The following ETAA1 variants were observed in gnomAD, a reference collection of about 807,000 sequenced individuals.
The protein encoded by ETAA1 is ewing's tumor-associated antigen 1.
Under a neutral mutation model 76.8 loss-of-function variants are expected in ETAA1, and 49 were observed. The ratio of observed to expected loss-of-function variants is 0.64; its 90% CI spans 0.51 to 0.81. The LOEUF is 0.81. Among genes scored for constraint, ETAA1 ranks in the 30% least tolerant of loss-of-function variants. ETAA1 has a pLI of 0.00. For synonymous variants in ETAA1, 373 were observed against 372.2 expected (o/e 1.00, Z -0.03); for missense variants, 1,099 against 1,074.0 (o/e 1.02, Z -0.32).
At position 67,404,415 on chromosome 2, in the gene ETAA1, A is replaced by G. The variant is rs1270543543; in HGVS notation, c.1733A>G (p.Asp578Gly). ...GCATCAAAAGTAGGTTCTTTCTTTG[A>G]TGATTGGAATGATCCCTCATTTGCC... The part of the protein sequence containing the change: ...TSASKVGSFF[D>G]DWNDPSFANE... The change falls in exon 5 of 6, where the codon GAT (aspartate) becomes GGT (glycine). Residue 578 changes from aspartate (D) to glycine (G), a missense_variant. This residue lies in a region of ETAA1 where 761 missense variants were observed against 731.9 expected (regional missense o/e 1.04). Transcript: ENST00000272342. 1 of 1,613,310 alleles carries G rather than the reference A, an allele frequency of 6.2e-7. No homozygotes were observed.
intron 1 of ETAA1, among the ~76,000 whole-genome samples, chr2:67,397,982 A>G (rs1374317061): frequency 1.3e-5 from 2 of 152,202 alleles, no homozygotes; most frequent in Non-Finnish European, 2.9e-5. Context: ...TGGTGGAGTG[A>G]GAAGAAACAG....
At chr2:67,399,679 T>G in intron 3 of ETAA1, 53 bp downstream of exon 3, 8 of 1,211,508 alleles carry the variant, frequency 6.6e-6, no homozygotes, top group Non-Finnish European at 9.5e-6. Flanking sequence ...AATGTGCCAC[T>G]AAGTTTTTGT....
rs3770655 is a variant in ETAA1 at position 67,404,993 on chromosome 2, C to G, written c.2311C>G (p.Pro771Ala). The change falls in exon 5 of 6, where the codon CCA (proline) becomes GCA (alanine). Residue 771 changes from proline (P) to alanine (A), a missense_variant. By Grantham distance (27) the Pro-to-Ala change is conservative (BLOSUM62 -1). Transcript: ENST00000272342. ...AGTGAATAGTTCCAAATTGGTTCTT[C>G]CAGGAAGTTCAAGTTTGAATGTAAC... ...IQVNSSKLVL[P>A]GSSSLNVTSD... 5.0e-6 allele frequency: 8 copies of G among 1,611,876 alleles called. No homozygotes were observed. The Admixed American group carries it at 1.3e-4, about 27-fold the overall frequency.
chr2:67,407,232 A>G (rs1054234524), intron 5 of ETAA1, among the ~76,000 whole-genome samples: 7 of 150,888 alleles, frequency 4.6e-5, no homozygotes, highest in African/African-American at 1.7e-4. Flanking sequence ...TGACACTAAC[A>G]ACAGCTGATG....
intron 1 of ETAA1, 49 bp from the exon 2 acceptor site, chr2:67,399,120 G>A (rs1249682110): frequency 9.0e-6 from 14 of 1,556,576 alleles, no homozygotes; most frequent in African/African-American, 2.7e-5. Flanking sequence ...ACGAAGTAAG[G>A]TAATGCTTTA....
chr2:67,408,028 T>A (rs1209886238), intron 5 of ETAA1, among the ~76,000 whole-genome samples: 1 of 152,024 alleles, frequency 6.6e-6, no homozygotes, highest in Non-Finnish European at 1.5e-5. Context: ...TCTATCTGCA[T>A]TTTTTATGGA....
Position 67,403,311 on chromosome 2 carries a change from A to G in ETAA1, c.629A>G (p.Glu210Gly), listed in dbSNP as rs963468908. The G allele has an allele frequency of 6.2e-7, 1 of 1,606,264 alleles. No individual in the cohort carries two copies. Among genetic ancestry groups the G allele is most frequent in the Admixed American group, 1.7e-5 (1 of 58,952 alleles). ...KNMEELDVIQ[E>G]QNKRNYDFTQ... ...ATGGAAGAGCTAGATGTGATTCAAG[A>G]GCAAAACAAGAGGAATTATGATTTT... The change falls in exon 5 of 6, where the codon GAG (glutamate) becomes GGG (glycine). Residue 210 changes from glutamate to glycine, a missense_variant. Physicochemically the swap from Glu to Gly is moderately conservative, Grantham distance 98. This residue lies in a region of ETAA1 where 761 missense variants were observed against 731.9 expected (regional missense o/e 1.04). Coordinates refer to ENST00000272342, the MANE Select transcript of ETAA1 (RefSeq NM_019002.4).
At chr2:67,409,115 CCT>C (rs1676296460) in intron 5 of ETAA1, among the ~76,000 whole-genome samples, 1 of 151,946 alleles carries the variant, frequency 6.6e-6, no homozygotes, top group African/African-American at 2.4e-5. Context: ...TTTGAAAATG[CCT>C]CTGTTAGTTA....
rs1675985216 is a variant in ETAA1, at chr2:67,399,156, A to T, written c.224-13A>T. ...AAATGCAACAATTGTTATTTTACTC[A>T]TATTTTATATAGAAAGGTATGAAAC... On this transcript the variant is annotated splice_polypyrimidine_tract_variant and intron_variant, in intron 1 of 5. Transcript: ENST00000272342. 6.2e-7 allele frequency: 1 copy of T among 1,601,560 alleles called. No homozygotes were observed. The highest frequency in any genetic ancestry group is 1.7e-5 in the Admixed American group (1 of 57,180).
In ETAA1 at chr2:67,404,848, A is replaced by G; in HGVS notation, c.2166A>G (p.Glu722=). 6.2e-7 allele frequency: 1 copy of G among 1,613,108 alleles called. No individual in the cohort carries two copies. Among genetic ancestry groups the G allele is most frequent in the Non-Finnish European group, 8.5e-7 (1 of 1,179,392 alleles). Residue 722 remains glutamate, a synonymous_variant, in exon 5 of 6, where the codon GAA becomes GAG. Coordinates refer to ENST00000272342, the MANE Select transcript of ETAA1 (RefSeq NM_019002.4). The part of the protein sequence containing the change: ...IDKPMKMEKG[E]MYGNSPRFLG... ...AGCCAATGAAGATGGAGAAAGGGGA[A>G]ATGTATGGAAATTCTCCAAGATTTT...
At chr2:67,399,370 CAG>C in intron 2 of ETAA1, 73 bp downstream of exon 2, 1 of 1,371,276 alleles carries the variant, frequency 7.3e-7, no homozygotes, top group Non-Finnish European at 1.0e-6. Context: ...GAATTCTAGT[CAG>C]ATAATAGCAT....
rs1215124408 is a variant in ETAA1, at chr2:67,402,720, G to A, written c.430-142G>A. ...CCAACTTCCTATTGTTTTTGAGTTT[G>A]GTAAGTGTTACCTCACCAGAATTTA... On this transcript the variant is annotated intron_variant, in intron 3 of 5. Transcript: ENST00000272342. 1.0e-5 allele frequency: 4 copies of A among 386,018 alleles called. No homozygotes were observed. In the South Asian group the frequency reaches 2.9e-4, roughly 28 times the overall value. The allele number at this position is 386,018 out of a possible 1,614,324, so 23.9% of individuals were successfully genotyped here.
Position 67,404,443 on chromosome 2 carries a change from T to A in ETAA1, c.1761T>A (p.Asn587Lys), listed in dbSNP as rs1304769341. 6.2e-7 allele frequency: 1 copy of A among 1,613,318 alleles called. No individual in the cohort carries two copies. The highest frequency in any genetic ancestry group is 1.1e-5 in the South Asian group (1 of 91,066). Reference protein sequence around the residue: ...FDDWNDPSFANEIIKACHQLD... With the variant: ...FDDWNDPSFAKEIIKACHQLD... Reference sequence around the variant, plus strand: ...ATTGGAATGATCCCTCATTTGCCAATGAAATTATTAAAGCATGTCATCAAT... The same window carrying A: ...ATTGGAATGATCCCTCATTTGCCAAAGAAATTATTAAAGCATGTCATCAAT... Residue 587 changes from asparagine (N) to lysine (K), a missense_variant, in exon 5 of 6, where the codon AAT (asparagine) becomes AAA (lysine). By Grantham distance (94) the Asn-to-Lys change is moderately conservative (BLOSUM62 0). Around this residue, in one of 3 missense-constraint regions of ETAA1, gnomAD observed 761 missense variants for 731.9 expected, o/e 1.04. Coordinates refer to ENST00000272342, the MANE Select transcript of ETAA1 (RefSeq NM_019002.4).
Position 67,410,130 on chromosome 2 carries a change from T to A in ETAA1, c.*92T>A. On this transcript the variant is annotated 3_prime_UTR_variant, in exon 6 of 6. Coordinates refer to ENST00000272342, the MANE Select transcript of ETAA1 (RefSeq NM_019002.4). The stretch of plus-strand genomic sequence containing the variant: ...TTTCTTGATTTCTCTGTGAGAAATG[T>A]AATGCTGACTTTTATAAAGCCTGGA... 13 of 1,145,464 alleles carry A rather than the reference T, an allele frequency of 1.1e-5. No homozygotes were observed. The highest frequency in any genetic ancestry group is 1.6e-5 in the Non-Finnish European group (13 of 794,808). 71.0% of individuals were successfully genotyped at this position (1,145,464 alleles called of 1,614,324 possible). A position where few individuals can be genotyped will look rare whatever the true frequency, so the allele number is the denominator to read the frequency against.
At position 67,411,334 on chromosome 2, in the gene ETAA1, C is replaced by T. The variant is rs1676364218; in HGVS notation, c.*1296C>T. The T allele has an allele frequency of 6.6e-6, 1 of 152,060 alleles. No individual in the cohort carries two copies. The highest frequency in any genetic ancestry group is 6.6e-5 in the Admixed American group (1 of 15,212). The allele number at this position is 152,060 out of a possible 1,614,324, so 9.4% of individuals were successfully genotyped here. Reference sequence around the variant, plus strand: ...TGGTAGTTACTGCCCTATAGCTATACAGATACTCCTCAACTTACCGTGTAG... The same window carrying T: ...TGGTAGTTACTGCCCTATAGCTATATAGATACTCCTCAACTTACCGTGTAG... On this transcript the variant is annotated 3_prime_UTR_variant, in exon 6 of 6. Transcript: ENST00000272342.
At chr2:67,398,846 A>G (rs1675973515) in intron 1 of ETAA1, among the ~76,000 whole-genome samples, 1 of 152,230 alleles carries the variant, frequency 6.6e-6, no homozygotes, top group African/African-American at 2.4e-5. Flanking sequence ...GAATGTACCT[A>G]TAAATTACAG....
At position 67,399,576 on chromosome 2, in the gene ETAA1, A is replaced by G. The variant is rs1272607352; in HGVS notation, c.379A>G (p.Thr127Ala). 2.5e-6 allele frequency: 4 copies of G among 1,607,958 alleles called. No individual in the cohort carries two copies. The African/African-American group carries it at 4.0e-5, about 16-fold the overall frequency. Residue 127 changes from threonine (T) to alanine (A), a missense_variant, in exon 3 of 6, where the codon ACC becomes GCC. Thr to Ala is a moderately conservative substitution (Grantham distance 58). Around this residue, in one of 3 missense-constraint regions of ETAA1, gnomAD observed 761 missense variants for 731.9 expected, o/e 1.04. Coordinates refer to ENST00000272342, the MANE Select transcript of ETAA1 (RefSeq NM_019002.4). ...TAAAGGAAGAAAAAAACAGATTTAC[A>G]CCACAGATAGTGATGAGATTTCACA... ...LGKGRKKQIYTTDSDEISHIV... is the reference protein window; with the variant it reads ...LGKGRKKQIYATDSDEISHIV...
At chr2:67,406,312 C>T (rs1410853009) in intron 5 of ETAA1, among the ~76,000 whole-genome samples, 2 of 152,138 alleles carry the variant, frequency 1.3e-5, no homozygotes, top group African/African-American at 4.8e-5. Flanking sequence ...TACTTCTTTT[C>T]AACATGTGAC....
Position 67,403,294 on chromosome 2 carries a change from G to A in ETAA1, c.612G>A (p.Glu204=), listed in dbSNP as rs1009336895. 6.2e-7 allele frequency: 1 copy of A among 1,605,622 alleles called. No individual in the cohort carries two copies. Residue 204 remains glutamate (E), a synonymous_variant, in exon 5 of 6, where the codon GAG becomes GAA. Coordinates refer to ENST00000272342, the MANE Select transcript of ETAA1 (RefSeq NM_019002.4). ...AACAATTTGATAAAAATATGGAAGA[G>A]CTAGATGTGATTCAAGAGCAAAACA... The part of the protein sequence containing the change: ...LAKQFDKNME[E]LDVIQEQNKR...
Sources: allele counts gnomAD v4.1 joint callset (sites outside exome capture counted in the v4.1 genomes callset), GRCh38; gene constraint gnomAD v4.1.1; regional missense constraint gnomAD v4.1.1; transcripts MANE v1.5; gene names NCBI Gene and HGNC (gene_info 2026-07-23, HGNC 2026-07-21).